The following SIAH2 variants were observed in gnomAD, a reference collection of about 807,000 sequenced individuals.
SIAH2 encodes E3 ubiquitin-protein ligase SIAH2.
In SIAH2, 4 loss-of-function variants were observed where a neutral mutation model predicts 20.4. That is an observed-to-expected ratio of 0.20 (90% CI 0.10 to 0.45). The LOEUF is 0.45. Among genes scored for constraint, SIAH2 ranks in the 20% least tolerant of loss-of-function variants. SIAH2 has a pLI of 0.99. For missense variants in SIAH2, 259 were observed against 440.3 expected, an observed-to-expected ratio of 0.59 and a Z score of 3.69; for synonymous variants, 171 against 192.5, an observed-to-expected ratio of 0.89 and a Z score of 0.93.
At position 150,763,125 on chromosome 3, in the gene SIAH2, C is replaced by CAA. The variant is rs146121542; in HGVS notation, c.-277_-276insTT. 17,282 of 165,578 alleles carry CAA rather than the reference C, an allele frequency of 0.1. 1,886 individuals carry two copies. Among genetic ancestry groups the CAA allele is most frequent in the East Asian group, 0.39 (2,126 of 5,462 alleles). The allele number at this position is 165,578 out of a possible 1,614,324, so 10.3% of individuals were successfully genotyped here. On this transcript the variant is annotated 5_prime_UTR_variant, in exon 1 of 2. Coordinates refer to ENST00000312960, the MANE Select transcript of SIAH2 (RefSeq NM_005067.7). The surrounding 1 kb of genome is among the most constrained non-coding windows in gnomAD (Gnocchi z 4.1). ...CCGGGCCCCGAACCCCAGCGGTGCG[C>CAA]AGAGCCCTGGCCCACCCGCTTCTGG...
chr3:150,755,819 A>T (rs60538652), intron 1 of SIAH2, among the ~76,000 whole-genome samples: 14,290 of 151,886 alleles, frequency 0.094, 1,326 homozygotes, highest in East Asian at 0.37. Flanking sequence ...CCTGGCACAA[A>T]TTTTGTATTT....
In SIAH2 at chr3:150,762,643, C is replaced by G. The variant is rs1281697399; in HGVS notation, c.207G>C (p.Pro69=). 2.6e-6 allele frequency: 4 copies of G among 1,562,422 alleles called. No individual in the cohort carries two copies. The East Asian group carries it at 1.0e-4, about 40-fold the overall frequency. The part of the protein sequence containing the change: ...GGGGGAGPVS[P]QHHELTSLFE... ...AGAGCGAGGTCAGCTCGTGGTGCTG[C>G]GGGGACACCGGGCCGGCCCCGCCGC... Residue 69 remains proline, a synonymous_variant, in exon 1 of 2, where the codon CCG becomes CCC. Coordinates refer to ENST00000312960, the MANE Select transcript of SIAH2 (RefSeq NM_005067.7). This position sits in a 1 kb window ranked among gnomAD's most constrained non-coding sequence, Gnocchi z 6.6.
chr3:150,749,118 GA>G (rs1487141092), intron 1 of SIAH2, among the ~76,000 whole-genome samples: 1 of 152,136 alleles, frequency 6.6e-6, no homozygotes, highest in East Asian at 1.9e-4. Flanking sequence ...GAGCAAAAAG[GA>G]AATAACTGGT....
At chr3:150,758,879 A>G (rs563747574) in intron 1 of SIAH2, among the ~76,000 whole-genome samples, 1 of 151,676 alleles carries the variant, frequency 6.6e-6, no homozygotes, top group South Asian at 2.1e-4. Context: ...AGTAGCTGAT[A>G]TTACAGGCAT....
At chr3:150,756,775 A>T (rs952011147) in intron 1 of SIAH2, among the ~76,000 whole-genome samples, 13 of 152,186 alleles carry the variant, frequency 8.5e-5, no homozygotes, top group African/African-American at 3.1e-4. Context: ...GTGTATTATC[A>T]ATTTTGTTCT....
At chr3:150,755,262 T>C (rs987313040) in intron 1 of SIAH2, among the ~76,000 whole-genome samples, 1 of 151,942 alleles carries the variant, frequency 6.6e-6, no homozygotes, top group Non-Finnish European at 1.5e-5. Flanking sequence ...ATTCAAAATT[T>C]TAAAGCAGTG....
intron 1 of SIAH2, among the ~76,000 whole-genome samples, chr3:150,752,142 C>A (rs1275589061): frequency 1.3e-5 from 2 of 152,184 alleles, no homozygotes; most frequent in Admixed American, 1.3e-4. Context: ...GCCATGTGAC[C>A]AGTACCACAC....
chr3:150,750,950 T>A (rs1228620997), intron 1 of SIAH2, among the ~76,000 whole-genome samples: 1 of 152,212 alleles, frequency 6.6e-6, no homozygotes, highest in Non-Finnish European at 1.5e-5. Flanking sequence ...TTATTAACAG[T>A]GGAAGAGTTG....
intron 1 of SIAH2, among the ~76,000 whole-genome samples, chr3:150,747,560 C>G (rs1380589144): frequency 6.6e-6 from 1 of 152,194 alleles, no homozygotes; most frequent in African/African-American, 2.4e-5. Flanking sequence ...AGGGAAATAT[C>G]TGCTCATTTC....
intron 1 of SIAH2, among the ~76,000 whole-genome samples, chr3:150,754,761 A>G (rs1212042119): frequency 6.6e-6 from 1 of 152,214 alleles, no homozygotes; most frequent in Admixed American, 6.5e-5. Context: ...AAAATACACA[A>G]AATATAATAC....
Position 150,742,377 on chromosome 3 carries a change from CA to C in SIAH2, c.738del (p.Phe246LeufsTer22). 3 of 1,614,146 alleles carry C rather than the reference CA, an allele frequency of 1.9e-6. No individual in the cohort carries two copies. Among genetic ancestry groups the C allele is most frequent in the Non-Finnish European group, 2.5e-6 (3 of 1,180,022 alleles). ...QEKYEGHQQFFAIVLLIGTRK... is the reference protein window; with the variant it reads ...QEKYEGHQQFXAIVLLIGTRK... ...CGGGTGCCAATGAGCAGGACGATGGCAAAAAACTGCTGGTGGCCTTCGTACT... is the reference window on the plus strand; with the variant it reads ...CGGGTGCCAATGAGCAGGACGATGGCAAAAACTGCTGGTGGCCTTCGTACT... On this transcript the variant is annotated frameshift_variant, in exon 2 of 2. Coordinates refer to ENST00000312960, the MANE Select transcript of SIAH2 (RefSeq NM_005067.7). LOFTEE classifies it high-confidence loss of function. This position sits in a 1 kb window ranked among gnomAD's most constrained non-coding sequence, Gnocchi z 4.8.
chr3:150,741,635 C>G lies in SIAH2; in HGVS notation c.*506G>C, dbSNP rs542538344. The G allele has an allele frequency of 1.3e-5, 2 of 152,996 alleles. No homozygotes were observed. The highest frequency in any genetic ancestry group is 2.4e-5 in the African/African-American group (1 of 41,448). 9.5% of individuals were successfully genotyped at this position (152,996 alleles called of 1,614,324 possible). A position where few individuals can be genotyped will look rare whatever the true frequency, so the allele number is the denominator to read the frequency against. ...TGTTAAATTGGCAGGCTCCCTAAAT[C>G]TGCAATTTTAAGATAAGCACTCCGG... On this transcript the variant is annotated 3_prime_UTR_variant, in exon 2 of 2. Transcript: ENST00000312960.
chr3:150,743,925 C>T (rs1327051507), intron 1 of SIAH2, among the ~76,000 whole-genome samples: 1 of 151,868 alleles, frequency 6.6e-6, no homozygotes, highest in Non-Finnish European at 1.5e-5. Context: ...TGGCTAACTA[C>T]ACTTGGATTC....
Position 150,762,489 on chromosome 3 carries a change from T to G in SIAH2, c.361A>C (p.Ser121Arg). The G allele has an allele frequency of 6.2e-7, 1 of 1,613,660 alleles. No homozygotes were observed. The highest frequency in any genetic ancestry group is 8.5e-7 in the Non-Finnish European group (1 of 1,179,908). ...TTCTCCATAGCCAGGTTCCTGATGC[T>G]GGGCGTCAGGGCGCCCCTGCACGTC... The part of the protein sequence containing the change: ...CPTCRGALTP[S>R]IRNLAMEKVA... Residue 121 changes from serine to arginine, a missense_variant, in exon 1 of 2, where the codon AGC becomes CGC. Ser to Arg is a moderately radical substitution (Grantham distance 110). Around this residue, in one of 2 missense-constraint regions of SIAH2, gnomAD observed 160 missense variants for 327.6 expected, o/e 0.49. Coordinates refer to ENST00000312960, the MANE Select transcript of SIAH2 (RefSeq NM_005067.7). The surrounding 1 kb of genome is among the most constrained non-coding windows in gnomAD (Gnocchi z 6.6).
chr3:150,751,258 C>A (rs1714352874), intron 1 of SIAH2, among the ~76,000 whole-genome samples: 1 of 152,022 alleles, frequency 6.6e-6, no homozygotes, highest in Non-Finnish European at 1.5e-5. Context: ...ATGGTGAAAC[C>A]CCATCTCTAC....
At chr3:150,745,508 T>C (rs919284373) in intron 1 of SIAH2, among the ~76,000 whole-genome samples, 1 of 151,746 alleles carries the variant, frequency 6.6e-6, no homozygotes, top group African/African-American at 2.4e-5. Flanking sequence ...TTTCTTTTTT[T>C]TTTTTGAGAT....
At chr3:150,751,348 C>A (rs577520801) in intron 1 of SIAH2, among the ~76,000 whole-genome samples, 3 of 151,962 alleles carry the variant, frequency 2.0e-5, no homozygotes, top group Admixed American at 1.3e-4. Flanking sequence ...TGCTTGAACC[C>A]GGGAGGTGGA....
Position 150,742,034 on chromosome 3 carries a change from T to C in SIAH2, c.*107A>G, listed in dbSNP as rs1268539541. ...TGCTGTTCAAACAAAACACGGGTAA[T>C]TGTGGGTCCTGACTTGTGAAGACAT... is the stretch of plus-strand genomic sequence containing the variant. On this transcript the variant is annotated 3_prime_UTR_variant, in exon 2 of 2. Coordinates refer to ENST00000312960, the MANE Select transcript of SIAH2 (RefSeq NM_005067.7). The surrounding 1 kb of genome is among the most constrained non-coding windows in gnomAD (Gnocchi z 4.8). The C allele has an allele frequency of 1.1e-5, 12 of 1,092,874 alleles. No homozygotes were observed. Among genetic ancestry groups the C allele is most frequent in the Middle Eastern group, 2.9e-4 (1 of 3,406 alleles). 67.7% of individuals were successfully genotyped at this position (1,092,874 alleles called of 1,614,324 possible).
intron 1 of SIAH2, among the ~76,000 whole-genome samples, chr3:150,760,149 T>C (rs1028495674): frequency 2.0e-5 from 3 of 152,208 alleles, no homozygotes; most frequent in Admixed American, 2.0e-4. Flanking sequence ...GCTGGGCCTA[T>C]GTATACATTC....
Sources: gnomAD v4.1 joint callset for allele counts (sites outside exome capture counted in the v4.1 genomes callset) on GRCh38, gnomAD v4.1.1 for gene constraint, gnomAD v4.1.1 regional missense constraint, Gnocchi (gnomAD v3.1) non-coding constraint, MANE v1.5 for transcripts, NCBI Gene and HGNC (gene_info 2026-07-23, HGNC 2026-07-21) for gene names.